The following SHB variants were observed in gnomAD, a reference collection of about 807,000 sequenced individuals.
The protein encoded by SHB is SH2 domain-containing adapter protein B.
In SHB, 20 loss-of-function variants were observed where a neutral mutation model predicts 52.3. The ratio of observed to expected loss-of-function variants is 0.38; its 90% CI spans 0.27 to 0.56. The LOEUF (loss-of-function observed/expected upper bound fraction) is 0.56. Ranked by LOEUF, SHB falls within the 20% of genes least tolerant of loss-of-function variation. The pLI, the probability that SHB is intolerant of heterozygous loss-of-function variation, is 0.71. For synonymous variants in SHB, 397 were observed against 316.5 expected (o/e 1.25, Z -2.70); for missense variants, 825 against 723.3 (o/e 1.14, Z -1.61).
chr9:38,028,029 G>T (rs1821366221), intron 1 of SHB, among the ~76,000 whole-genome samples: 3 of 152,124 alleles, frequency 2.0e-5, no homozygotes, highest in African/African-American at 4.8e-5. Context: ...CCCACCTAGG[G>T]TTTGAAGCAG....
chr9:38,030,599 C>T (rs57393356), intron 1 of SHB, among the ~76,000 whole-genome samples: 14 of 152,316 alleles, frequency 9.2e-5, no homozygotes, highest in African/African-American at 3.4e-4. Flanking sequence ...GCTAGCTTCA[C>T]AGGTGAGTGG....
Position 37,919,694 on chromosome 9 carries a change from G to T in SHB, c.*127C>A. The T allele has an allele frequency of 2.9e-6, 2 of 683,200 alleles. No homozygotes were observed. The highest frequency in any genetic ancestry group is 1.9e-5 in the South Asian group (1 of 52,678). The allele number at this position is 683,200 out of a possible 1,614,324, so 42.3% of individuals were successfully genotyped here. A position where few individuals can be genotyped will look rare whatever the true frequency, so the allele number is the denominator to read the frequency against. The stretch of plus-strand genomic sequence containing the variant: ...CAACAGCATTCTAGAGACATGCAGT[G>T]GTGTGCTAGTACCATACACACAACA... On this transcript the variant is annotated 3_prime_UTR_variant, in exon 6 of 6. Transcript: ENST00000377707.
chr9:37,971,654 G>C (rs1358628932), intron 3 of SHB, among the ~76,000 whole-genome samples: 1 of 152,108 alleles, frequency 6.6e-6, no homozygotes, highest in Non-Finnish European at 1.5e-5. Context: ...CACAGACGTG[G>C]ATGTGATTCT....
At chr9:38,017,814 A>T (rs2118081952) in intron 1 of SHB, among the ~76,000 whole-genome samples, 1 of 152,346 alleles carries the variant, frequency 6.6e-6, no homozygotes, top group Non-Finnish European at 1.5e-5. Context: ...AGGCCAGGGA[A>T]AGAAGGGGTG....
At chr9:38,018,073 C>T (rs1263340032) in intron 1 of SHB, among the ~76,000 whole-genome samples, 1 of 152,040 alleles carries the variant, frequency 6.6e-6, no homozygotes, top group Non-Finnish European at 1.5e-5. Flanking sequence ...CTCTCTTCAA[C>T]ATGAACATGC....
At chr9:37,934,957 T>C (rs1007310200) in intron 5 of SHB, among the ~76,000 whole-genome samples, 3 of 152,210 alleles carry the variant, frequency 2.0e-5, no homozygotes, top group African/African-American at 4.8e-5. Flanking sequence ...TTACTTACTA[T>C]AGGAACTGAT....
intron 2 of SHB, among the ~76,000 whole-genome samples, chr9:38,012,101 C>G (rs141757448): frequency 1.3e-3 from 204 of 152,292 alleles, no homozygotes; most frequent in African/African-American, 4.6e-3. Context: ...CACTTCCTCA[C>G]GCCTTCCATC....
At chr9:38,030,554 CA>C (rs1821400696) in intron 1 of SHB, among the ~76,000 whole-genome samples, 1 of 152,082 alleles carries the variant, frequency 6.6e-6, no homozygotes, top group Non-Finnish European at 1.5e-5. Flanking sequence ...TTTTAAATGC[CA>C]GTATATCAGG....
intron 1 of SHB, among the ~76,000 whole-genome samples, chr9:38,054,927 T>C (rs1175784968): frequency 1.3e-5 from 2 of 152,222 alleles, no homozygotes. Context: ...GGAAGAGAGT[T>C]GGATGGGGTG....
chr9:37,932,651 G>C (rs900760185), intron 5 of SHB, among the ~76,000 whole-genome samples: 2 of 151,084 alleles, frequency 1.3e-5, no homozygotes, highest in Non-Finnish European at 2.9e-5. Context: ...TTGCTCTGTC[G>C]CCCAGGCTGG....
At chr9:38,008,170 T>C (rs1821093936) in intron 2 of SHB, among the ~76,000 whole-genome samples, 2 of 152,126 alleles carry the variant, frequency 1.3e-5, no homozygotes, top group African/African-American at 4.8e-5. Context: ...CTTGGCCTAT[T>C]CCAGGCCTGC....
chr9:38,003,021 G>C (rs913181238), intron 2 of SHB, among the ~76,000 whole-genome samples: 1 of 152,210 alleles, frequency 6.6e-6, no homozygotes, highest in African/African-American at 2.4e-5. Flanking sequence ...TTAGTTTCAA[G>C]TCTAGGGGTA....
At chr9:38,058,176 C>T (rs1821844606) in intron 1 of SHB, among the ~76,000 whole-genome samples, 1 of 152,230 alleles carries the variant, frequency 6.6e-6, no homozygotes. Context: ...GTCTTGGATG[C>T]CCCATCCACA....
At chr9:38,002,454 A>C (rs1367728906) in intron 2 of SHB, among the ~76,000 whole-genome samples, 1 of 152,152 alleles carries the variant, frequency 6.6e-6, no homozygotes. Context: ...CTACAGGGGA[A>C]GGCAGGGCAG....
chr9:38,068,953 C>T lies in SHB; in HGVS notation c.-308G>A, dbSNP rs1452904222. The T allele has an allele frequency of 6.6e-6, 1 of 151,774 alleles. No homozygotes were observed. Among genetic ancestry groups the T allele is most frequent in the Non-Finnish European group, 1.5e-5 (1 of 67,924 alleles). The allele number at this position is 151,774 out of a possible 1,614,324, so 9.4% of individuals were successfully genotyped here. A position where few individuals can be genotyped will look rare whatever the true frequency, so the allele number is the denominator to read the frequency against. ...GAGAGCGGAAGGTCCGAGCGCTCCACGCCGCGGACCCTTTGGCCGTACGCC... is the reference window on the plus strand; with the variant it reads ...GAGAGCGGAAGGTCCGAGCGCTCCATGCCGCGGACCCTTTGGCCGTACGCC... On this transcript the variant is annotated 5_prime_UTR_variant, in exon 1 of 6. It adds an upstream start codon to the 5' untranslated region. Coordinates refer to ENST00000377707, the MANE Select transcript of SHB (RefSeq NM_003028.3).
chr9:38,056,858 T>A (rs908978652), intron 1 of SHB, among the ~76,000 whole-genome samples: 1 of 152,176 alleles, frequency 6.6e-6, no homozygotes, highest in African/African-American at 2.4e-5. Context: ...CAGAAAAGGA[T>A]GAACAGATGA....
At chr9:37,940,649 T>C (rs1197257728) in intron 5 of SHB, among the ~76,000 whole-genome samples, 1 of 149,856 alleles carries the variant, frequency 6.7e-6, no homozygotes, top group African/African-American at 2.5e-5. Flanking sequence ...AGCAAACAGC[T>C]TGCCTGCTGG....
chr9:38,067,175 G>A (rs565930548), intron 1 of SHB, among the ~76,000 whole-genome samples: 2 of 152,270 alleles, frequency 1.3e-5, no homozygotes, highest in South Asian at 4.2e-4. Context: ...GGGACCTTAT[G>A]GGGTAGGGGT....
chr9:37,969,911 G>A (rs1014993318), intron 3 of SHB, among the ~76,000 whole-genome samples: 4 of 152,254 alleles, frequency 2.6e-5, no homozygotes, highest in African/African-American at 9.6e-5. Flanking sequence ...TGGGGACAGA[G>A]CAAGAAGGCC....
Sources: gnomAD v4.1 joint callset for allele counts (sites outside exome capture counted in the v4.1 genomes callset) on GRCh38, gnomAD v4.1.1 for gene constraint, MANE v1.5 for transcripts, NCBI Gene and HGNC (gene_info 2026-07-23, HGNC 2026-07-21) for gene names.